Variants in SOX5 observed in about 807,000 individuals in gnomAD.
SOX5 encodes SRY-box transcription factor 5.
In SOX5, 9 loss-of-function variants were observed where a neutral mutation model predicts 92.0. The observed-to-expected ratio is 0.10, with a 90% CI of 0.06 to 0.17. The LOEUF (loss-of-function observed/expected upper bound fraction) is 0.17, where lower values mean the gene tolerates loss of function less well. Ranked by LOEUF, SOX5 falls within the 10% of genes least tolerant of loss-of-function variation. SOX5 has a pLI of 1.00. For missense variants in SOX5, 642 were observed against 944.5 expected, an observed-to-expected ratio of 0.68 and a Z score of 4.20; for synonymous variants, 344 against 336.3, an observed-to-expected ratio of 1.02 and a Z score of -0.25.
At chr12:23,720,567 C>G (rs1593644251) in intron 6 of SOX5, among the ~76,000 whole-genome samples, 1 of 151,350 alleles carries the variant, frequency 6.6e-6, no homozygotes, top group Middle Eastern at 3.5e-3. Flanking sequence ...CATTTTGATC[C>G]AAAATGGGTC....
Position 23,563,262 on chromosome 12 carries a change from T to C in SOX5, c.1484A>G (p.Glu495Gly). The change falls in exon 11 of 15, where the codon GAA becomes GGA. Residue 495 changes from glutamate (E) to glycine (G), a missense_variant. Physicochemically the swap from Glu to Gly is moderately conservative, Grantham distance 98. Coordinates refer to ENST00000451604, the MANE Select transcript of SOX5 (RefSeq NM_006940.6). ...NSLGLNNCRT[E>G]KEKTTLESLT... ...TAAGTTATTTTATGAACTGACCTTT[T>C]CTGTTCGGCAGTTATTGAGACCCAG... is the stretch of plus-strand genomic sequence containing the variant. 1 of 1,609,790 alleles carries C rather than the reference T, an allele frequency of 6.2e-7. No individual in the cohort carries two copies. Among genetic ancestry groups the C allele is most frequent in the Non-Finnish European group, 8.5e-7 (1 of 1,178,192 alleles).
intron 2 of SOX5, among the ~76,000 whole-genome samples, chr12:23,858,521 T>A (rs2096719942): frequency 6.6e-6 from 1 of 152,108 alleles, no homozygotes; most frequent in African/African-American, 2.4e-5. Flanking sequence ...AGAATGGCTA[T>A]TATTAAAAAG....
At chr12:23,742,974 A>T (rs2093852620) in intron 4 of SOX5, among the ~76,000 whole-genome samples, 1 of 152,198 alleles carries the variant, frequency 6.6e-6, no homozygotes. Flanking sequence ...ATCTAGTCCA[A>T]AAATATCATA....
intron 4 of SOX5, among the ~76,000 whole-genome samples, chr12:24,057,247 A>T (rs1958226753): frequency 6.6e-6 from 1 of 152,056 alleles, no homozygotes; most frequent in South Asian, 2.1e-4. Flanking sequence ...AGGAATTGAT[A>T]AAAAACCTAT....
At chr12:24,140,227 T>C (rs542593262) in intron 4 of SOX5, among the ~76,000 whole-genome samples, 216 of 152,066 alleles carry the variant, frequency 1.4e-3, no homozygotes, top group African/African-American at 5.0e-3. Flanking sequence ...CCGTCAAAGA[T>C]AGGAAGCTAT....
Position 23,927,088 on chromosome 12 carries a change from C to T in SOX5, c.38+22476G>A, listed in dbSNP as rs1281028724. On this transcript the variant is annotated intron_variant, in intron 1 of 14. Transcript: ENST00000451604. Reference sequence around the variant, plus strand: ...AATTTTAAAAACTGGACATTCCTTGCTTTGTTTTTCCAAAAGGATTATAGT... The same window carrying T: ...AATTTTAAAAACTGGACATTCCTTGTTTTGTTTTTCCAAAAGGATTATAGT... 2.6e-5 allele frequency among the ~76,000 whole-genome samples: 4 copies of T among 152,200 alleles called. No homozygotes were observed. The East Asian group carries it at 7.7e-4, about 29-fold the overall frequency.
At chr12:23,959,234 G>A (rs983240488) in intron 4 of SOX5, among the ~76,000 whole-genome samples, 1 of 151,378 alleles carries the variant, frequency 6.6e-6, no homozygotes, top group Non-Finnish European at 1.5e-5. Flanking sequence ...AAGAATGAGG[G>A]CTTAATTTAC....
chr12:23,656,613 A>G (rs187915049), intron 7 of SOX5, among the ~76,000 whole-genome samples: 2 of 152,254 alleles, frequency 1.3e-5, no homozygotes, highest in African/African-American at 4.8e-5. Flanking sequence ...TATTTTTCAT[A>G]CATGTAAGTA....
At chr12:24,405,697 G>T (rs1962775736) in intron 1 of SOX5, among the ~76,000 whole-genome samples, 1 of 152,170 alleles carries the variant, frequency 6.6e-6, no homozygotes, top group African/African-American at 2.4e-5. Flanking sequence ...TCTCCCTAAT[G>T]GGAGCAGAAT....
At chr12:23,620,059 C>T (rs1018739156) in intron 8 of SOX5, among the ~76,000 whole-genome samples, 2 of 151,984 alleles carry the variant, frequency 1.3e-5, no homozygotes, top group African/African-American at 2.4e-5. Flanking sequence ...AGCATGCAAG[C>T]GAGAGCTACA....
intron 3 of SOX5, among the ~76,000 whole-genome samples, chr12:23,767,215 A>AAC (rs35485466): frequency 0.025 from 3,420 of 137,850 alleles, 95 homozygotes; most frequent in African/African-American, 0.076. Context: ...AAAAAACAGA[A>AAC]ACACACACAC....
intron 2 of SOX5, among the ~76,000 whole-genome samples, chr12:23,846,497 A>G (rs2096576717): frequency 6.6e-6 from 1 of 152,216 alleles, no homozygotes; most frequent in Admixed American, 6.5e-5. Flanking sequence ...CTTTAAACTG[A>G]GTATAAATGA....
intron 3 of SOX5, among the ~76,000 whole-genome samples, chr12:24,234,347 G>C (rs1366979369): frequency 2.6e-5 from 4 of 152,088 alleles, no homozygotes; most frequent in Non-Finnish European, 5.9e-5. Context: ...AGAATGTAAA[G>C]CTTCCTAAAA....
intron 4 of SOX5, among the ~76,000 whole-genome samples, chr12:24,056,426 A>G (rs1379675290): frequency 6.6e-6 from 1 of 152,250 alleles, no homozygotes; most frequent in Non-Finnish European, 1.5e-5. Flanking sequence ...GTCAGACTAT[A>G]GTTTTCAAAC....
chr12:23,949,762 C>CTCTA (rs1569217073), upstream of SOX5: 1 of 754,740 alleles, frequency 1.3e-6, no homozygotes, highest in African/African-American at 2.9e-5. Context: ...CCCTCTCTCT[C>CTCTA]TCTGTCTCTC....
intron 4 of SOX5, among the ~76,000 whole-genome samples, chr12:24,142,172 C>T (rs1219633867): frequency 6.6e-6 from 1 of 152,126 alleles, no homozygotes; most frequent in Admixed American, 6.5e-5. Flanking sequence ...ATCAAATCCA[C>T]AACCAGGTGC....
At chr12:23,656,177 G>T (rs12319311) in intron 7 of SOX5, among the ~76,000 whole-genome samples, 5,262 of 135,876 alleles carry the variant, frequency 0.039, 160 homozygotes, top group African/African-American at 0.098. Flanking sequence ...CTGACCCCTT[G>T]TTTCATTGTA....
At chr12:23,803,421 TC>T (rs1235584144) in intron 3 of SOX5, among the ~76,000 whole-genome samples, 1 of 152,184 alleles carries the variant, frequency 6.6e-6, no homozygotes, top group Non-Finnish European at 1.5e-5. Context: ...TGTCACCAAG[TC>T]CCATTAATTT....
intron 3 of SOX5, among the ~76,000 whole-genome samples, chr12:23,791,071 T>G (rs2095467851): frequency 6.6e-6 from 1 of 152,164 alleles, no homozygotes; most frequent in Non-Finnish European, 1.5e-5. Context: ...AATTTCTATT[T>G]TTTCCAACCT....
Sources: gnomAD v4.1 joint callset for allele counts (sites outside exome capture counted in the v4.1 genomes callset) on GRCh38, gnomAD v4.1.1 for gene constraint, MANE v1.5 for transcripts, NCBI Gene and HGNC (gene_info 2026-07-23, HGNC 2026-07-21) for gene names.